The following EYS variants were observed in gnomAD, a reference collection of about 807,000 sequenced individuals.
EYS encodes EGF-like photoreceptor maintenance factor.
Under a neutral mutation model 282.1 loss-of-function variants are expected in EYS, and 250 were observed. The observed-to-expected ratio is 0.89, with a 90% CI of 0.80 to 0.98. The LOEUF is 0.98. Among genes scored for constraint, EYS ranks in the 50% least tolerant of loss-of-function variants. The probability of loss-of-function intolerance (pLI) is 0.00; values close to 1 mark genes in which losing one functional copy is unlikely to be tolerated. For missense variants in EYS, 4,016 were observed against 3,709.0 expected (o/e 1.08, Z -2.15); for synonymous variants, 1,355 against 1,282.9 (o/e 1.06, Z -1.20).
intron 33 of EYS, among the ~76,000 whole-genome samples, chr6:64,044,836 C>T (rs1770547755): frequency 6.6e-6 from 1 of 151,846 alleles, no homozygotes; most frequent in Admixed American, 6.6e-5. Context: ...AAATAAAAGG[C>T]AGAAGTGAAT....
intron 30 of EYS, among the ~76,000 whole-genome samples, chr6:64,268,815 C>G (rs1182487737): frequency 1.3e-5 from 2 of 152,032 alleles, no homozygotes; most frequent in Non-Finnish European, 2.9e-5. Flanking sequence ...GACAATCCCA[C>G]CTGAGGAGGT....
intron 12 of EYS, among the ~76,000 whole-genome samples, chr6:65,121,809 C>G (rs1272033263): frequency 6.6e-6 from 1 of 152,022 alleles, no homozygotes; most frequent in African/African-American, 2.4e-5. Flanking sequence ...TATCTCAAAG[C>G]CCCTAGGTAA....
At chr6:65,588,556 C>T (rs1484562424) in intron 2 of EYS, among the ~76,000 whole-genome samples, 5 of 145,246 alleles carry the variant, frequency 3.4e-5, no homozygotes, top group Middle Eastern at 3.9e-3. Context: ...CTGTCCATAT[C>T]GTGCCTCTGT....
intron 39 of EYS, 157 bp from the exon 40 acceptor site, chr6:63,778,337 AT>A (rs200712814): frequency 4.5e-4 from 342 of 760,428 alleles, no homozygotes; most frequent in African/African-American, 3.9e-3. Flanking sequence ...GCGCAGAGAA[AT>A]TTTTTTTTAA....
At chr6:64,774,467 G>A (rs1366518092) in intron 22 of EYS, among the ~76,000 whole-genome samples, 2 of 151,904 alleles carry the variant, frequency 1.3e-5, no homozygotes, top group Non-Finnish European at 2.9e-5. Context: ...CTATCACCAT[G>A]CATCTGCTTA....
intron 29 of EYS, among the ~76,000 whole-genome samples, chr6:64,349,500 G>A (rs1002795802): frequency 3.7e-4 from 56 of 151,008 alleles, no homozygotes; most frequent in African/African-American, 1.4e-3. Context: ...GAAAATGCCA[G>A]CTAAAATAAA....
intron 33 of EYS, among the ~76,000 whole-genome samples, chr6:64,063,486 AAT>A (rs1411996456): frequency 6.6e-6 from 1 of 152,156 alleles, no homozygotes; most frequent in Non-Finnish European, 1.5e-5. Context: ...TTATGTCATA[AAT>A]ATGTCACTTT....
chr6:65,048,487 C>T (rs369186842), intron 13 of EYS, among the ~76,000 whole-genome samples: 5 of 151,810 alleles, frequency 3.3e-5, no homozygotes, highest in South Asian at 2.1e-4. Flanking sequence ...GTTCCTTTCC[C>T]GATCCAGCCT....
Position 63,720,864 on chromosome 6 carries a change from A to T in EYS, c.9167T>A (p.Ile3056Asn). Residue 3056 changes from isoleucine to asparagine, a missense_variant, in exon 43 of 43, where the codon ATC (isoleucine) becomes AAC (asparagine). By Grantham distance (149) the Ile-to-Asn change is moderately radical (BLOSUM62 -3). Coordinates refer to ENST00000503581, the MANE Select transcript of EYS (RefSeq NM_001142800.2). ...HVVVIQNQTL[I>N]KAYINNSLIL... ...TAGACTGTTATTTATGTAGGCCTTG[A>T]TAAGAGTCTGATTTTGAATTACAAC... 1 of 1,551,212 alleles carries T rather than the reference A, an allele frequency of 6.4e-7. No homozygotes were observed. Among genetic ancestry groups the T allele is most frequent in the Non-Finnish European group, 8.7e-7 (1 of 1,146,636 alleles).
chr6:64,746,581 C>T (rs1234453105), intron 22 of EYS, among the ~76,000 whole-genome samples: 1 of 152,092 alleles, frequency 6.6e-6, no homozygotes, highest in Non-Finnish European at 1.5e-5. Context: ...TAAACCAAAA[C>T]AAGTCATAGG....
At chr6:63,826,845 C>CAAAAAAAAAAAAAAAAAAAAA (rs59957107) in intron 36 of EYS, among the ~76,000 whole-genome samples, 2 of 76,762 alleles carry the variant, frequency 2.6e-5, no homozygotes, top group African/African-American at 5.1e-5. Flanking sequence ...AGTTAAAAAG[C>CAAAAAAAAAAAAAAAAAAAAA]AAAAAAAAAA....
intron 5 of EYS, among the ~76,000 whole-genome samples, chr6:65,459,968 T>TATATA: frequency 1.2e-5 from 1 of 80,662 alleles, no homozygotes; most frequent in South Asian, 4.9e-4. Context: ...TTTGTGTATT[T>TATATA]TATATATATA....
chr6:64,008,789 G>A (rs1287149230), intron 33 of EYS, among the ~76,000 whole-genome samples: 1 of 152,110 alleles, frequency 6.6e-6, no homozygotes, highest in Non-Finnish European at 1.5e-5. Context: ...GTGAATATAG[G>A]CCCCCAATCT....
chr6:64,286,583 A>G (rs1768509163), intron 30 of EYS, among the ~76,000 whole-genome samples: 1 of 152,186 alleles, frequency 6.6e-6, no homozygotes, highest in South Asian at 2.1e-4. Flanking sequence ...TCTTCAAAAT[A>G]GAAAAAGGTA....
chr6:64,705,756 T>A (rs1770983219), intron 22 of EYS, among the ~76,000 whole-genome samples: 1 of 147,782 alleles, frequency 6.8e-6, no homozygotes, highest in Non-Finnish European at 1.5e-5. Flanking sequence ...ATATTCTCAC[T>A]CATAGGTGGG....
At chr6:64,095,060 G>A (rs1399021116) in intron 31 of EYS, among the ~76,000 whole-genome samples, 17 of 151,724 alleles carry the variant, frequency 1.1e-4, no homozygotes, top group Non-Finnish European at 2.1e-4. Context: ...GTGGTTGAGC[G>A]GTTTTGAGTG....
chr6:65,493,308 C>T (rs1316399936), intron 4 of EYS, among the ~76,000 whole-genome samples: 1 of 152,174 alleles, frequency 6.6e-6, no homozygotes, highest in African/African-American at 2.4e-5. Flanking sequence ...TAAAGCCTGC[C>T]TAACAAAATT....
At chr6:65,057,146 A>T (rs1289526001) in intron 13 of EYS, among the ~76,000 whole-genome samples, 2 of 152,064 alleles carry the variant, frequency 1.3e-5, no homozygotes, top group African/African-American at 4.8e-5. Context: ...AAGGCAAAGC[A>T]AGGATTTGTT....
intron 12 of EYS, among the ~76,000 whole-genome samples, chr6:65,098,275 A>G (rs1378263064): frequency 6.6e-6 from 1 of 150,822 alleles, no homozygotes; most frequent in Non-Finnish European, 1.5e-5. Flanking sequence ...TTCTTTGAGT[A>G]AAAGGGTTAG....
Sources: allele counts gnomAD v4.1 joint callset (sites outside exome capture counted in the v4.1 genomes callset), GRCh38; gene constraint gnomAD v4.1.1; transcripts MANE v1.5; gene names NCBI Gene and HGNC (gene_info 2026-07-23, HGNC 2026-07-21).